HABP2: variants seen among roughly 807,000 people sequenced by gnomAD.
HABP2 encodes factor VII-activating protease.
Under a neutral mutation model 66.5 loss-of-function variants are expected in HABP2, and 65 were observed. The observed-to-expected ratio is 0.98, with a 90% confidence interval of 0.80 to 1.20. The LOEUF (loss-of-function observed/expected upper bound fraction) is 1.20, where lower values mean the gene tolerates loss of function less well. Ranked by LOEUF, HABP2 falls within the 50% of genes most tolerant of loss-of-function variation. HABP2 has a pLI of 0.00. For missense variants in HABP2, 786 were observed against 691.0 expected, an observed-to-expected ratio of 1.14 and a Z score of -1.54; for synonymous variants, 263 against 253.9, an observed-to-expected ratio of 1.04 and a Z score of -0.34.
At chr10:113,558,599 C>T (rs566602712) in intron 1 of HABP2, among the ~76,000 whole-genome samples, 32 of 152,320 alleles carry the variant, frequency 2.1e-4, no homozygotes, top group African/African-American at 7.5e-4. Flanking sequence ...TATTCTAATG[C>T]TGTTACTTCA....
At chr10:113,574,116 T>C (rs946708858) in intron 2 of HABP2, among the ~76,000 whole-genome samples, 173 bp from the exon 3 acceptor site, 1 of 152,196 alleles carries the variant, frequency 6.6e-6, no homozygotes, top group Non-Finnish European at 1.5e-5. Flanking sequence ...AGTGAAAAGA[T>C]GCAAAGCCTG....
intron 1 of HABP2, among the ~76,000 whole-genome samples, chr10:113,563,754 C>G (rs948968826): frequency 6.6e-6 from 1 of 152,172 alleles, no homozygotes; most frequent in African/African-American, 2.4e-5. Flanking sequence ...TGCTGGACCC[C>G]GAGGAAGGAT....
intron 9 of HABP2, 44 bp from the exon 10 acceptor site, chr10:113,583,172 G>A (rs368790617): frequency 8.1e-6 from 13 of 1,600,230 alleles, no homozygotes; most frequent in East Asian, 2.2e-5. Flanking sequence ...CCACACAGCT[G>A]AGCAGAAACA....
At chr10:113,552,408 T>C (rs1844914251), upstream of HABP2, among the ~76,000 whole-genome samples, 1 of 152,138 alleles carries the variant, frequency 6.6e-6, no homozygotes, top group African/African-American at 2.4e-5. Flanking sequence ...ATAAGGAACA[T>C]AGGAAACAAT....
At position 113,588,940 on chromosome 10, in the gene HABP2, C is replaced by T. The variant is rs1249218877; in HGVS notation, c.*571C>T. 3 of 1,550,356 alleles carry T rather than the reference C, an allele frequency of 1.9e-6. No individual in the cohort carries two copies. The South Asian group carries it at 3.4e-5, about 17-fold the overall frequency. On this transcript the variant is annotated 3_prime_UTR_variant, in exon 13 of 13. Transcript: ENST00000351270. Reference sequence around the variant, plus strand: ...AGCCTGTCTCTGGTGAACAAACTTCCTCTCTGGCCTCTCAGGAATCAGGGT... The same window carrying T: ...AGCCTGTCTCTGGTGAACAAACTTCTTCTCTGGCCTCTCAGGAATCAGGGT...
At chr10:113,569,580 G>A (rs1845265749) in intron 2 of HABP2, 1 of 152,496 alleles carries the variant, frequency 6.6e-6, no homozygotes, top group Non-Finnish European at 1.5e-5. Context: ...GCATTCCACA[G>A]TCCCCAGTGG....
At chr10:113,555,000 G>T (rs1844966694) in intron 1 of HABP2, among the ~76,000 whole-genome samples, 1 of 152,188 alleles carries the variant, frequency 6.6e-6, no homozygotes, top group Non-Finnish European at 1.5e-5. Context: ...GACATCAGGG[G>T]AAAGTGGCCA....
At chr10:113,558,945 G>T (rs1038399891) in intron 1 of HABP2, among the ~76,000 whole-genome samples, 1 of 151,960 alleles carries the variant, frequency 6.6e-6, no homozygotes, top group Non-Finnish European at 1.5e-5. Flanking sequence ...ACCTCTGCCT[G>T]CCAGGTTAAA....
intron 1 of HABP2, among the ~76,000 whole-genome samples, chr10:113,554,768 C>A (rs913689589): frequency 1.3e-5 from 2 of 152,152 alleles, no homozygotes; most frequent in Admixed American, 1.3e-4. Context: ...GGATAATGGT[C>A]CCGAAAAATC....
intron 4 of HABP2, 103 bp from the exon 5 acceptor site, chr10:113,577,047 A>G: frequency 2.7e-6 from 2 of 749,926 alleles, no homozygotes; most frequent in South Asian, 1.6e-5. Context: ...GGACAAGGCT[A>G]CAGACACTGT....
chr10:113,581,942 G>C lies in HABP2; in HGVS notation c.905G>C (p.Gly302Ala). Residue 302 changes from glycine to alanine, a missense_variant, in exon 9 of 13, where the codon GGA (glycine) becomes GCA (alanine). Coordinates refer to ENST00000351270, the MANE Select transcript of HABP2 (RefSeq NM_004132.5). ...STKLPGFDSC[G>A]KTEIAERKIK... Reference sequence around the variant, plus strand: ...AAGCTTCCGGGGTTTGACTCCTGTGGAAAGACTGAGATAGCAGAGAGGAAG... The same window carrying C: ...AAGCTTCCGGGGTTTGACTCCTGTGCAAAGACTGAGATAGCAGAGAGGAAG... The C allele has an allele frequency of 2.5e-6, 4 of 1,614,200 alleles. No homozygotes were observed. Among genetic ancestry groups the C allele is most frequent in the Non-Finnish European group, 3.4e-6 (4 of 1,180,004 alleles).
chr10:113,562,415 G>GCCAGGCCTA (rs758657198), intron 1 of HABP2, among the ~76,000 whole-genome samples: 100 of 150,284 alleles, frequency 6.7e-4, no homozygotes, highest in Non-Finnish European at 1.3e-3. Flanking sequence ...TCTGTGGCCT[G>GCCAGGCCTA]CCAGGCCTAG....
rs199654298 is a variant in HABP2, at chr10:113,564,854, TG to T, written c.70-2634del. On this transcript the variant is annotated intron_variant, in intron 1 of 12. Transcript: ENST00000351270. ...TACCTCACCACGCATCTCTCTCTTT[TG>T]TTTTTTTCTTAGATGGAGTCTCGCT... Among the ~76,000 whole-genome samples the T allele has an allele frequency of 9.9e-4, 149 of 151,002 alleles. 1 individual carries two copies. The highest frequency in any genetic ancestry group is 3.2e-3 in the African/African-American group (132 of 41,030).
In HABP2 at chr10:113,589,078, C is replaced by T. The variant is rs372444529; in HGVS notation, c.*709C>T. 1.9e-5 allele frequency: 31 copies of T among 1,613,398 alleles called. No individual in the cohort carries two copies. Among genetic ancestry groups the T allele is most frequent in the African/African-American group, 4.0e-5 (3 of 74,870 alleles). On this transcript the variant is annotated 3_prime_UTR_variant, in exon 13 of 13. Coordinates refer to ENST00000351270, the MANE Select transcript of HABP2 (RefSeq NM_004132.5). Reference sequence around the variant, plus strand: ...TCCAGCCTCCACTGCTTCTGCCCCCCGCTGCTGAAATCAAACATACCCCAA... The same window carrying T: ...TCCAGCCTCCACTGCTTCTGCCCCCTGCTGCTGAAATCAAACATACCCCAA...
intron 1 of HABP2, among the ~76,000 whole-genome samples, chr10:113,558,767 T>C (rs978020311): frequency 1.3e-4 from 20 of 152,152 alleles, no homozygotes; most frequent in African/African-American, 4.8e-4. Flanking sequence ...TTGCTGGGGC[T>C]GACTGACCAA....
At chr10:113,584,723 T>C (rs958456120) in intron 11 of HABP2, among the ~76,000 whole-genome samples, 13 of 152,222 alleles carry the variant, frequency 8.5e-5, no homozygotes, top group African/African-American at 3.1e-4. Context: ...GATAGAATTC[T>C]ACAGAGACAT....
chr10:113,571,364 T>C (rs1845306970), intron 2 of HABP2, among the ~76,000 whole-genome samples: 2 of 152,212 alleles, frequency 1.3e-5, no homozygotes, highest in Admixed American at 1.3e-4. Flanking sequence ...CATTTGCTCT[T>C]GCAGAATAGG....
intron 12 of HABP2, 32 bp from the exon 13 acceptor site, chr10:113,588,173 C>G: frequency 6.4e-7 from 1 of 1,553,976 alleles, no homozygotes; most frequent in African/African-American, 1.4e-5. Flanking sequence ...CTCTGGTTCA[C>G]GAGGATGAGC....
chr10:113,554,699 G>T (rs1224894223), intron 1 of HABP2, among the ~76,000 whole-genome samples: 1 of 152,198 alleles, frequency 6.6e-6, no homozygotes, highest in Non-Finnish European at 1.5e-5. Flanking sequence ...GAAAGAATTA[G>T]ATCCTAAACT....
Sources: allele counts gnomAD v4.1 joint callset (sites outside exome capture counted in the v4.1 genomes callset), GRCh38; gene constraint gnomAD v4.1.1; transcripts MANE v1.5; gene names NCBI Gene and HGNC (gene_info 2026-07-23, HGNC 2026-07-21).